The following NR2C2 variants were observed in gnomAD, a reference collection of about 807,000 sequenced individuals.
NR2C2 encodes Nuclear hormone receptor TR4.
In NR2C2, 6 loss-of-function variants were observed where a neutral mutation model predicts 62.9. The ratio of observed to expected loss-of-function variants is 0.10; its 90% confidence interval spans 0.05 to 0.19. The LOEUF (loss-of-function observed/expected upper bound fraction) is 0.19, where lower values mean the gene tolerates loss of function less well. Among genes scored for constraint, NR2C2 ranks in the 10% least tolerant of loss-of-function variants. The pLI is 1.00. For synonymous variants in NR2C2, 272 were observed against 273.8 expected, an observed-to-expected ratio of 0.99 and a Z score of 0.07; for missense variants, 479 against 762.7, an observed-to-expected ratio of 0.63 and a Z score of 4.38.
intron 1 of NR2C2, among the ~76,000 whole-genome samples, chr3:14,958,898 C>G (rs1457153549): frequency 6.6e-6 from 1 of 152,220 alleles, no homozygotes; most frequent in African/African-American, 2.4e-5. Flanking sequence ...ATCGCTTGAA[C>G]CAGGGAGTCG....
intron 2 of NR2C2, among the ~76,000 whole-genome samples, chr3:15,008,177 T>C (rs940327856): frequency 3.9e-5 from 6 of 151,986 alleles, no homozygotes; most frequent in African/African-American, 1.4e-4. Flanking sequence ...TTATGGGAAA[T>C]ACTCAATTTT....
intron 1 of NR2C2, among the ~76,000 whole-genome samples, chr3:14,984,909 A>C (rs2040474000): frequency 6.6e-6 from 1 of 152,012 alleles, no homozygotes; most frequent in African/African-American, 2.4e-5. Context: ...GCAGTGCAGG[A>C]GAGTTCTAGT....
chr3:15,043,420 T>A lies in NR2C2; in HGVS notation c.*412T>A, dbSNP rs2042341998. 1 of 153,532 alleles carries A rather than the reference T, an allele frequency of 6.5e-6. No homozygotes were observed. The highest frequency in any genetic ancestry group is 2.4e-5 in the African/African-American group (1 of 41,514). 9.5% of individuals were successfully genotyped at this position (153,532 alleles called of 1,614,324 possible). A position where few individuals can be genotyped will look rare whatever the true frequency, so the allele number is the denominator to read the frequency against. On this transcript the variant is annotated 3_prime_UTR_variant, in exon 14 of 14. Coordinates refer to ENST00000425241, the MANE Select transcript of NR2C2 (RefSeq NM_001291694.2). ...GATACTAATTACCAGGGTAATAATA[T>A]TAGCACTTTCTAAGCACTTATCAAT...
At chr3:14,980,685 G>GTACC (rs1280268158) in intron 1 of NR2C2, among the ~76,000 whole-genome samples, 2 of 152,164 alleles carry the variant, frequency 1.3e-5, no homozygotes, top group African/African-American at 4.8e-5. Context: ...AATAAACAGA[G>GTACC]TAAATACAGG....
At chr3:14,998,651 T>A (rs889788145) in intron 1 of NR2C2, among the ~76,000 whole-genome samples, 13 of 151,410 alleles carry the variant, frequency 8.6e-5, no homozygotes, top group African/African-American at 2.9e-4. Flanking sequence ...TGATTTGCAC[T>A]TTTTTTTTCC....
intron 8 of NR2C2, among the ~76,000 whole-genome samples, chr3:15,029,836 GATAGAT>G (rs879309679): frequency 0.02 from 2,480 of 123,494 alleles, 23 homozygotes; most frequent in African/African-American, 0.033. Flanking sequence ...TAGATAGATA[GATAGAT>G]ATAGATAGAC....
chr3:14,960,249 A>G (rs2039653465), intron 1 of NR2C2, among the ~76,000 whole-genome samples: 1 of 152,248 alleles, frequency 6.6e-6, no homozygotes, highest in African/African-American at 2.4e-5. Context: ...AAGTAAACAG[A>G]TGAACCACAG....
chr3:14,949,571 G>T (rs1471266112), intron 1 of NR2C2, among the ~76,000 whole-genome samples: 1 of 152,208 alleles, frequency 6.6e-6, no homozygotes, highest in Non-Finnish European at 1.5e-5. Context: ...AATTACTGAT[G>T]AATACATGAC....
intron 1 of NR2C2, among the ~76,000 whole-genome samples, chr3:14,952,490 C>G (rs555774836): frequency 6.6e-6 from 1 of 152,250 alleles, no homozygotes; most frequent in East Asian, 1.9e-4. Flanking sequence ...GTGAAGGAAT[C>G]TTAGAATCTC....
intron 1 of NR2C2, among the ~76,000 whole-genome samples, chr3:14,997,728 T>G (rs1041232243): frequency 6.6e-5 from 10 of 152,058 alleles, no homozygotes; most frequent in African/African-American, 2.2e-4. Flanking sequence ...TGTATGCTTA[T>G]GAAAGAAAAA....
At chr3:15,039,680 G>C (rs1237459467) in intron 13 of NR2C2, among the ~76,000 whole-genome samples, 4 of 152,162 alleles carry the variant, frequency 2.6e-5, no homozygotes, top group East Asian at 1.9e-4. Context: ...TAGAGTACTT[G>C]ACAGAAAAGT....
chr3:14,966,442 C>G (rs1415721336), intron 1 of NR2C2, among the ~76,000 whole-genome samples: 1 of 152,184 alleles, frequency 6.6e-6, no homozygotes, highest in Non-Finnish European at 1.5e-5. Context: ...AAAAATTTAG[C>G]TGGACGTGGT....
intron 3 of NR2C2, among the ~76,000 whole-genome samples, 194 bp downstream of exon 3, chr3:15,013,983 A>G (rs554499638): frequency 1.9e-4 from 29 of 152,306 alleles, no homozygotes; most frequent in East Asian, 7.7e-4. Context: ...ACAGTCAACT[A>G]TAACACTCAG....
intron 1 of NR2C2, among the ~76,000 whole-genome samples, chr3:14,996,528 A>G (rs1045554705): frequency 6.6e-6 from 1 of 152,184 alleles, no homozygotes; most frequent in African/African-American, 2.4e-5. Flanking sequence ...TCCATGTTGA[A>G]TTTGAGGAAA....
chr3:15,009,316 A>G (rs528733823), intron 2 of NR2C2, among the ~76,000 whole-genome samples: 1 of 152,212 alleles, frequency 6.6e-6, no homozygotes, highest in African/African-American at 2.4e-5. Flanking sequence ...CTCATGAGTT[A>G]CTGTGAGTGG....
In NR2C2 at chr3:15,008,217, TTTG is replaced by T. The variant is rs2041246963; in HGVS notation, c.72+4234_72+4236del. Among the ~76,000 whole-genome samples the T allele has an allele frequency of 3.9e-5, 5 of 129,178 alleles. No homozygotes were observed. The South Asian group carries it at 8.9e-4, about 23-fold the overall frequency. 84.7% of individuals were successfully genotyped at this position (129,178 alleles called of 152,430 possible). On this transcript the variant is annotated intron_variant, in intron 2 of 13. Transcript: ENST00000425241. Reference sequence around the variant, plus strand: ...TGTTAGCAAACAGTTTTTTTGTTTGTTTGTTTTTTTTTTTAAATTAGGGGGCTG... The same window carrying T: ...TGTTAGCAAACAGTTTTTTTGTTTGTTTTTTTTTTTTAAATTAGGGGGCTG...
intron 2 of NR2C2, among the ~76,000 whole-genome samples, chr3:15,007,180 T>G (rs1418461249): frequency 6.8e-6 from 1 of 146,852 alleles, no homozygotes; most frequent in Admixed American, 7.1e-5. Context: ...CAGGCTGGAG[T>G]GTAGTGGCGC....
chr3:15,032,136 G>T (rs188858475), intron 9 of NR2C2, among the ~76,000 whole-genome samples: 1 of 152,120 alleles, frequency 6.6e-6, no homozygotes, highest in African/African-American at 2.4e-5. Flanking sequence ...ATGTTTTTGT[G>T]GGGGTGGGCT....
chr3:15,013,811 T>C (rs781090270), intron 3 of NR2C2, 22 bp downstream of exon 3: 2 of 1,612,122 alleles, frequency 1.2e-6, no homozygotes, highest in Non-Finnish European at 1.7e-6. Context: ...GGACAGGTAT[T>C]TGTTTCAGCA....
Sources: gnomAD v4.1 joint callset for allele counts (sites outside exome capture counted in the v4.1 genomes callset) on GRCh38, gnomAD v4.1.1 for gene constraint, MANE v1.5 for transcripts, NCBI Gene and HGNC (gene_info 2026-07-23, HGNC 2026-07-21) for gene names.